FAT4: variants seen among roughly 807,000 people sequenced by gnomAD.
FAT4 encodes protocadherin Fat 4.
A neutral mutation model predicts 303.9 loss-of-function variants in FAT4; 84 were observed. That is an observed-to-expected ratio of 0.28 (90% CI 0.23 to 0.33). FAT4 has a LOEUF of 0.33. FAT4 is among the 10% of genes least tolerant of loss of function. FAT4 has a pLI of 1.00. For synonymous variants in FAT4, 2,307 were observed against 2,298.8 expected, an observed-to-expected ratio of 1.00 and a Z score of -0.10; for missense variants, 6,005 against 6,146.8, an observed-to-expected ratio of 0.98 and a Z score of 0.77.
At chr4:125,423,282 G>T (rs1724970496) in intron 7 of FAT4, among the ~76,000 whole-genome samples, 1 of 152,096 alleles carries the variant, frequency 6.6e-6, no homozygotes, top group Non-Finnish European at 1.5e-5. Flanking sequence ...CCCATCACAG[G>T]CCTGGAAGTC....
At chr4:125,335,667 A>T (rs111805968) in intron 2 of FAT4, among the ~76,000 whole-genome samples, 2,208 of 148,424 alleles carry the variant, frequency 0.015, 15 homozygotes, top group Non-Finnish European at 0.023. Flanking sequence ...TGTGTATTTC[A>T]TTTTTTTTTT....
chr4:125,351,238 GCCA>G (rs1489950666), intron 2 of FAT4, among the ~76,000 whole-genome samples: 13 of 151,744 alleles, frequency 8.6e-5, no homozygotes, highest in South Asian at 2.1e-4. Flanking sequence ...TAAGTTTGGT[GCCA>G]CCAATTTGAA....
rs755869340 is a variant in FAT4, at chr4:125,316,484, C to T, written c.73C>T (p.Leu25Phe). ...PLHTLSVSQL[L>F]RVFWLLSLLP... Reference sequence around the variant, plus strand: ...GCACACTCTATCAGTATCTCAGCTCCTTCGAGTGTTTTGGCTACTGTCATT... The same window carrying T: ...GCACACTCTATCAGTATCTCAGCTCTTTCGAGTGTTTTGGCTACTGTCATT... The change falls in exon 2 of 18, where the codon CTT (leucine) becomes TTT (phenylalanine). Residue 25 changes from leucine to phenylalanine, a missense_variant. Physicochemically the swap from Leu to Phe is conservative, Grantham distance 22. Transcript: ENST00000394329. The surrounding 1 kb of genome is among the most constrained non-coding windows in gnomAD (Gnocchi z 5.7). 1.1e-5 allele frequency: 17 copies of T among 1,613,974 alleles called. No homozygotes were observed. Among genetic ancestry groups the T allele is most frequent in the Admixed American group, 1.7e-5 (1 of 60,030 alleles).
chr4:125,321,121 G>A lies in FAT4; in HGVS notation c.4710G>A (p.Gly1570=). ...NGEIEYEIIN[G]DTDTFIVDRY... is the part of the protein sequence containing the mutation. ...AAATAGAGTATGAGATCATCAATGGGGACACAGACACCTTCATTGTTGATC... is the reference window on the plus strand; with the variant it reads ...AAATAGAGTATGAGATCATCAATGGAGACACAGACACCTTCATTGTTGATC... The change falls in exon 2 of 18, where the codon GGG becomes GGA. Residue 1570 remains glycine (G), a synonymous_variant. Coordinates refer to ENST00000394329, the MANE Select transcript of FAT4 (RefSeq NM_001291303.3). 6.2e-7 allele frequency: 1 copy of A among 1,614,124 alleles called. No individual in the cohort carries two copies. Among genetic ancestry groups the A allele is most frequent in the African/African-American group, 1.3e-5 (1 of 75,034 alleles).
At chr4:125,416,693 C>T (rs1735088690) in intron 7 of FAT4, 71 bp downstream of exon 7, 2 of 1,516,844 alleles carry the variant, frequency 1.3e-6, no homozygotes, top group African/African-American at 2.8e-5. Context: ...TGCCTGTAAC[C>T]CCAGCACTTT....
intron 7 of FAT4, among the ~76,000 whole-genome samples, chr4:125,431,034 CAGTAATGTATCAACAGT>C (rs200773603): frequency 0.15 from 23,340 of 152,002 alleles, 2,146 homozygotes; most frequent in East Asian, 0.39. Flanking sequence ...ACAGTATCTA[CAGTAATGTATCAACAGT>C]AGTAATGTAT....
chr4:125,489,870 T>TTTTTTG, intron 17 of FAT4, 31 bp from the exon 18 acceptor site: 6 of 1,185,624 alleles, frequency 5.1e-6, no homozygotes, highest in Non-Finnish European at 6.6e-6. Context: ...TTTTTTTTTG[T>TTTTTTG]AAAAAGCCTT....
At position 125,451,939 on chromosome 4, in the gene FAT4, A is replaced by C. The variant is rs1194428552; in HGVS notation, c.10929A>C (p.Pro3643=). ...TAGGCTCTGTGAAGCCACAGGATCCAGATGTGTTAGACAGCTTCCACTGCT... is the reference window on the plus strand; with the variant it reads ...TAGGCTCTGTGAAGCCACAGGATCCCGATGTGTTAGACAGCTTCCACTGCT... The part of the protein sequence containing the change: ...GILGSVKPQD[P]DVLDSFHCSL... The change falls in exon 10 of 18, where the codon CCA becomes CCC. Residue 3643 remains proline, a synonymous_variant. Transcript: ENST00000394329. The C allele has an allele frequency of 1.9e-6, 3 of 1,614,052 alleles. No homozygotes were observed. The highest frequency in any genetic ancestry group is 2.7e-5 in the African/African-American group (2 of 74,932).
intron 5 of FAT4, among the ~76,000 whole-genome samples, chr4:125,409,934 G>C (rs1163387307): frequency 6.6e-6 from 1 of 152,034 alleles, no homozygotes; most frequent in African/African-American, 2.4e-5. Flanking sequence ...CTATTGACAG[G>C]CATATCTATC....
intron 2 of FAT4, among the ~76,000 whole-genome samples, chr4:125,335,501 GA>G (rs1236340343): frequency 1.3e-5 from 2 of 151,572 alleles, no homozygotes; most frequent in Non-Finnish European, 2.9e-5. Flanking sequence ...TACTATTTGG[GA>G]AAAAAATGGC....
At chr4:125,440,624 A>T (rs1488323643) in intron 8 of FAT4, among the ~76,000 whole-genome samples, 19 of 146,736 alleles carry the variant, frequency 1.3e-4, no homozygotes, top group Non-Finnish European at 1.7e-4. Flanking sequence ...AGAGAGAGAG[A>T]GAGAGAGAGA....
At chr4:125,350,933 G>C (rs1189669245) in intron 2 of FAT4, among the ~76,000 whole-genome samples, 1 of 151,516 alleles carries the variant, frequency 6.6e-6, no homozygotes, top group East Asian at 1.9e-4. Context: ...TTCCCATTCT[G>C]ACAGTTTGGA....
chr4:125,380,782 A>C (rs976692841), intron 2 of FAT4, among the ~76,000 whole-genome samples: 1 of 152,190 alleles, frequency 6.6e-6, no homozygotes, highest in African/African-American at 2.4e-5. Context: ...AAATGCTTGC[A>C]ATTCTGCACT....
chr4:125,436,239 A>G (rs1725448638), intron 8 of FAT4, among the ~76,000 whole-genome samples: 1 of 152,070 alleles, frequency 6.6e-6, no homozygotes, highest in South Asian at 2.1e-4. Flanking sequence ...TGAAAGAGAG[A>G]AATCAGAATC....
At chr4:125,428,088 A>T (rs1489290555) in intron 7 of FAT4, among the ~76,000 whole-genome samples, 5 of 152,068 alleles carry the variant, frequency 3.3e-5, no homozygotes, top group Admixed American at 2.6e-4. Flanking sequence ...ACTTGAGGTC[A>T]GGAGTTCGAG....
At chr4:125,379,638 T>G (rs1733463380) in intron 2 of FAT4, among the ~76,000 whole-genome samples, 1 of 152,012 alleles carries the variant, frequency 6.6e-6, no homozygotes, top group African/African-American at 2.4e-5. Flanking sequence ...TTTTGTATTT[T>G]TAGTGGAGAC....
intron 16 of FAT4, among the ~76,000 whole-genome samples, chr4:125,483,011 G>A (rs10031936): frequency 0.18 from 27,075 of 152,058 alleles, 2,567 homozygotes; most frequent in Admixed American, 0.21. Context: ...TACTTCTGGC[G>A]TCTAGCGGTA....
intron 2 of FAT4, among the ~76,000 whole-genome samples, chr4:125,372,243 T>C (rs1733144694): frequency 6.6e-6 from 1 of 151,746 alleles, no homozygotes; most frequent in African/African-American, 2.4e-5. Context: ...ACACCTGCAG[T>C]TCCAGCTAAT....
Position 125,398,853 on chromosome 4 carries a change from G to A in FAT4, c.5245G>A (p.Val1749Ile). The change falls in exon 3 of 18, where the codon GTA (valine) becomes ATA (isoleucine). Residue 1749 changes from valine (V) to isoleucine (I), a missense_variant. Physicochemically the swap from Val to Ile is conservative, Grantham distance 29. Coordinates refer to ENST00000394329, the MANE Select transcript of FAT4 (RefSeq NM_001291303.3). ...VFPTDMLDLT[V>I]EENIGDGSKI... ...TCCAACGGACATGCTGGATCTCACG[G>A]TAGAGGAGAACATTGGAGATGGCTC... 1 of 1,613,094 alleles carries A rather than the reference G, an allele frequency of 6.2e-7. No homozygotes were observed. Among genetic ancestry groups the A allele is most frequent in the South Asian group, 1.1e-5 (1 of 91,050 alleles).
Sources: gnomAD v4.1 joint callset for allele counts (sites outside exome capture counted in the v4.1 genomes callset) on GRCh38, gnomAD v4.1.1 for gene constraint, Gnocchi (gnomAD v3.1) non-coding constraint, MANE v1.5 for transcripts, NCBI Gene and HGNC (gene_info 2026-07-23, HGNC 2026-07-21) for gene names.